The following MYO15A variants were observed in gnomAD, a reference collection of about 807,000 sequenced individuals.
The protein encoded by MYO15A is unconventional myosin-XV.
In MYO15A, 308 loss-of-function variants were observed where a neutral mutation model predicts 394.6. That is an observed-to-expected ratio of 0.78 (90% CI 0.71 to 0.86). MYO15A has a LOEUF of 0.86. MYO15A is among the 40% of genes least tolerant of loss of function. The pLI, the probability that MYO15A is intolerant of heterozygous loss-of-function variation, is 0.00. For missense variants in MYO15A, 4,606 were observed against 4,799.1 expected (o/e 0.96, Z 1.19); for synonymous variants, 1,957 against 2,003.8 (o/e 0.98, Z 0.62).
rs1423611948 is a variant in MYO15A at position 18,125,216 on chromosome 17, A to C, written c.3741A>C (p.Glu1247Asp). 1.9e-6 allele frequency: 3 copies of C among 1,614,100 alleles called. No individual in the cohort carries two copies. The South Asian group carries it at 3.3e-5, about 18-fold the overall frequency. ...TGTCCAACCTCAAGATTAGATTTGA[A>C]CGGAACCTCATCTACGTAAGGCCTG... The part of the protein sequence containing the change: ...TVLSNLKIRF[E>D]RNLIYTYIGS... The change falls in exon 4 of 66, where the codon GAA becomes GAC. Residue 1247 changes from glutamate to aspartate, a missense_variant. This residue lies in a region of MYO15A where 2,776 missense variants were observed against 3,109.3 expected (regional missense o/e 0.89). Transcript: ENST00000647165.
Position 18,117,078 on chromosome 17 carries a change from T to C in MYO15A, c.-219-1504T>C, listed in dbSNP as rs1249905232. Among the ~76,000 whole-genome samples the C allele has an allele frequency of 6.6e-6, 1 of 152,036 alleles. No homozygotes were observed. Among genetic ancestry groups the C allele is most frequent in the African/African-American group, 2.4e-5 (1 of 41,382 alleles). ...TTCCTGCACGTATCCCCTAACTCGC[T>C]CCAAAAGCCCTCCATCCAATTTCTC... On this transcript the variant is annotated intron_variant, in intron 1 of 65. Transcript: ENST00000647165. This position sits in a 1 kb window ranked among gnomAD's most constrained non-coding sequence, Gnocchi z 4.1.
rs560945157 is a variant in MYO15A at position 18,154,646 on chromosome 17, C to T, written c.8149-34C>T. ...GCCTGGGTCCCAGCTGGGGGAGTCC[C>T]ATGTGCTGCCTGCATCACAGCCTGT... On this transcript the variant is annotated intron_variant, in intron 44 of 65. Transcript: ENST00000647165. The T allele has an allele frequency of 4.4e-6, 7 of 1,608,670 alleles. No individual in the cohort carries two copies. In the African/African-American group the frequency reaches 9.3e-5, roughly 21 times the overall value.
At position 18,121,264 on chromosome 17, in the gene MYO15A, G is replaced by C. The variant is rs1159028538; in HGVS notation, c.2464G>C (p.Glu822Gln). 2 of 1,451,500 alleles carry C rather than the reference G, an allele frequency of 1.4e-6. No homozygotes were observed. The highest frequency in any genetic ancestry group is 1.8e-6 in the Non-Finnish European group (2 of 1,106,326). 89.9% of individuals were successfully genotyped at this position (1,451,500 alleles called of 1,614,324 possible). A position where few individuals can be genotyped will look rare whatever the true frequency, so the allele number is the denominator to read the frequency against. ...PPARRPRSLQ[E>Q]SPAPRRAAGR... is the part of the protein sequence containing the mutation. ...GGCCCGCCGGCCCCGCTCGCTGCAGGAGTCCCCAGCCCCACGCCGAGCCGC... is the reference window on the plus strand; with the variant it reads ...GGCCCGCCGGCCCCGCTCGCTGCAGCAGTCCCCAGCCCCACGCCGAGCCGC... The change falls in exon 2 of 66, where the codon GAG becomes CAG. Residue 822 changes from glutamate to glutamine, a missense_variant. By Grantham distance (29) the Glu-to-Gln change is conservative (BLOSUM62 2). This residue lies in a region of MYO15A where 1,830 missense variants were observed against 1,689.7 expected (regional missense o/e 1.08). Coordinates refer to ENST00000647165, the MANE Select transcript of MYO15A (RefSeq NM_016239.4). The surrounding 1 kb of genome is among the most constrained non-coding windows in gnomAD (Gnocchi z 5.3).
chr17:18,156,699 C>T (rs1365957544), intron 48 of MYO15A, among the ~76,000 whole-genome samples: 1 of 152,244 alleles, frequency 6.6e-6, no homozygotes, highest in Non-Finnish European at 1.5e-5. Flanking sequence ...GCCCCAGGCC[C>T]GAGGAAGACT....
chr17:18,157,536 T>C, intron 50 of MYO15A, 186 bp from the exon 51 acceptor site: 2 of 1,247,952 alleles, frequency 1.6e-6, no homozygotes, highest in Non-Finnish European at 2.2e-6. Context: ...TATGGTCCTG[T>C]GGCCCTGAGA....
chr17:18,163,404 A>ACTCC, intron 59 of MYO15A, 83 bp downstream of exon 59: 2 of 1,386,194 alleles, frequency 1.4e-6, no homozygotes, highest in Non-Finnish European at 2.0e-6. Context: ...GGGGTGGAGT[A>ACTCC]AGCCCCCAAT....
At chr17:18,143,458 C>T (rs1055557629) in intron 25 of MYO15A, 108 bp from the exon 26 acceptor site, 7 of 1,271,568 alleles carry the variant, frequency 5.5e-6, no homozygotes, top group East Asian at 2.5e-5. Context: ...AGGCAAGCTG[C>T]CCCCCTTGCT....
chr17:18,165,963 G>A (rs2046848097), intron 60 of MYO15A, among the ~76,000 whole-genome samples: 1 of 152,202 alleles, frequency 6.6e-6, no homozygotes, highest in African/African-American at 2.4e-5. Flanking sequence ...CATAGTGTGA[G>A]GCCTCTTGTG....
At position 18,161,416 on chromosome 17, in the gene MYO15A, C is replaced by T. The variant is rs8077577; in HGVS notation, c.9486C>T (p.Asp3162=). The T allele has an allele frequency of 0.18, 298,134 of 1,613,840 alleles. 29,024 individuals are homozygous for T. The highest frequency in any genetic ancestry group is 0.3 in the Middle Eastern group (1,833 of 6,060). The change falls in exon 57 of 66, where the codon GAC becomes GAT. Residue 3162 remains aspartate (D), a synonymous_variant. Coordinates refer to ENST00000647165, the MANE Select transcript of MYO15A (RefSeq NM_016239.4). ...LHPHLTRFLQ[D]VSRTPGLPFQ... is the part of the protein sequence containing the mutation. ...CACACCTCACTCGCTTCCTCCAAGA[C>T]GTGAGCCGGACCCCAGGCCTGCCCT...
At chr17:18,149,784 C>T in intron 35 of MYO15A, 1 of 639,262 alleles carries the variant, frequency 1.6e-6, no homozygotes, top group South Asian at 1.7e-5. Context: ...CTGGAAGGAC[C>T]CACAGTTAGA....
At position 18,136,636 on chromosome 17, in the gene MYO15A, C is replaced by T. The variant is rs1597785806; in HGVS notation, c.4729C>T (p.Pro1577Ser). The change falls in exon 15 of 66, where the codon CCA (proline) becomes TCA (serine). Residue 1577 changes from proline (P) to serine (S), a missense_variant. Physicochemically the swap from Pro to Ser is moderately conservative, Grantham distance 74. Coordinates refer to ENST00000647165, the MANE Select transcript of MYO15A (RefSeq NM_016239.4). ...CACCAGGGTCAACGCGCTGGTGTCC[C>T]CAAGGCAGGACACACTGTCCATCGC... ...LITRVNALVS[P>S]RQDTLSIAIL... is the part of the protein sequence containing the mutation. 2.5e-6 allele frequency: 4 copies of T among 1,613,292 alleles called. No individual in the cohort carries two copies. Among genetic ancestry groups the T allele is most frequent in the Non-Finnish European group, 3.4e-6 (4 of 1,179,950 alleles).
At position 18,167,777 on chromosome 17, in the gene MYO15A, C is replaced by G. The variant is rs1047653861; in HGVS notation, c.10082+54C>G. 22 of 1,597,558 alleles carry G rather than the reference C, an allele frequency of 1.4e-5. No individual in the cohort carries two copies. In the African/African-American group the frequency reaches 2.8e-4, roughly 20 times the overall value. ...GGGTGGACAGGCAACCCTGCCCTCT[C>G]AGCCCACCTCCACCCTCCTCAGAGC... is the stretch of plus-strand genomic sequence containing the variant. On this transcript the variant is annotated intron_variant, in intron 62 of 65. Coordinates refer to ENST00000647165, the MANE Select transcript of MYO15A (RefSeq NM_016239.4).
chr17:18,113,835 C>A (rs191600709), intron 1 of MYO15A, among the ~76,000 whole-genome samples: 13 of 133,842 alleles, frequency 9.7e-5, no homozygotes, highest in African/African-American at 2.1e-4. Context: ...CACACACACA[C>A]ACACACTCTT....
intron 65 of MYO15A, chr17:18,178,485 CAG>C: frequency 1.8e-6 from 1 of 557,830 alleles, no homozygotes; most frequent in Non-Finnish European, 3.3e-6. Flanking sequence ...CACTGAGGCT[CAG>C]AGAGGTGAAG....
Position 18,148,098 on chromosome 17 carries a change from C to T in MYO15A, c.6579C>T (p.Gly2193=). 1 of 1,613,952 alleles carries T rather than the reference C, an allele frequency of 6.2e-7. No homozygotes were observed. The highest frequency in any genetic ancestry group is 8.5e-7 in the Non-Finnish European group (1 of 1,180,048). The change falls in exon 31 of 66, where the codon GGC becomes GGT. Residue 2193 remains glycine (G), a synonymous_variant. Transcript: ENST00000647165. This position sits in a 1 kb window ranked among gnomAD's most constrained non-coding sequence, Gnocchi z 4.8. ...AGCACCGCCTCATGCAGGCCATGGG[C>T]CGGGCCCAACAGCAGGGCTCGGGGG... is the stretch of plus-strand genomic sequence containing the variant. ...VCQHRLMQAM[G]RAQQQGSGAA...
Position 18,142,129 on chromosome 17 carries a change from T to C in MYO15A, c.5700T>C (p.His1900=), listed in dbSNP as rs752045512. Reference sequence around the variant, plus strand: ...AGCTGCTGGAGAGTATGCGAGAGCATGTCCTGAATCTGGCAGCCCTCACTC... The same window carrying C: ...AGCTGCTGGAGAGTATGCGAGAGCACGTCCTGAATCTGGCAGCCCTCACTC... ...LYQLLESMRE[H]VLNLAALTLQ... is the part of the protein sequence containing the mutation. The change falls in exon 24 of 66, where the codon CAT becomes CAC. Residue 1900 remains histidine (H), a synonymous_variant. Coordinates refer to ENST00000647165, the MANE Select transcript of MYO15A (RefSeq NM_016239.4). The C allele has an allele frequency of 6.2e-7, 1 of 1,613,894 alleles. No individual in the cohort carries two copies. Among genetic ancestry groups the C allele is most frequent in the Non-Finnish European group, 8.5e-7 (1 of 1,180,018 alleles).
chr17:18,121,386 G>GA lies in MYO15A; in HGVS notation c.2588dup (p.Asn863LysfsTer117). 1 of 1,529,734 alleles carries GA rather than the reference G, an allele frequency of 6.5e-7. No individual in the cohort carries two copies. Among genetic ancestry groups the GA allele is most frequent in the Non-Finnish European group, 8.8e-7 (1 of 1,142,562 alleles). The allele number at this position is 1,529,734 out of a possible 1,614,324, so 94.8% of individuals were successfully genotyped here. On this transcript the variant is annotated frameshift_variant, in exon 2 of 66. Transcript: ENST00000647165. LOFTEE classifies it high-confidence loss of function. This position sits in a 1 kb window ranked among gnomAD's most constrained non-coding sequence, Gnocchi z 5.3. ...GCCACAGCCCGCGGCGCAGCTCCCT[G>GA]AATCTGCCCTCGCGCCTCCCGCACA...
intron 62 of MYO15A, 144 bp downstream of exon 62, chr17:18,167,867 C>A: frequency 7.4e-7 from 1 of 1,350,448 alleles, no homozygotes; most frequent in Non-Finnish European, 1.0e-6. Context: ...AGGGGCTGTC[C>A]TTGCCTGGGG....
chr17:18,179,064 C>T lies in MYO15A; in HGVS notation c.*194C>T, dbSNP rs1480136710. 1 of 642,918 alleles carries T rather than the reference C, an allele frequency of 1.6e-6. No individual in the cohort carries two copies. Among genetic ancestry groups the T allele is most frequent in the Non-Finnish European group, 2.8e-6 (1 of 361,962 alleles). The allele number at this position is 642,918 out of a possible 1,614,324, so 39.8% of individuals were successfully genotyped here. A position where few individuals can be genotyped will look rare whatever the true frequency, so the allele number is the denominator to read the frequency against. ...ATCCTGAACTGGGATGGAATGGCAG[C>T]ATGCAAACTTGGATCAGATAGCAGG... is the stretch of plus-strand genomic sequence containing the variant. On this transcript the variant is annotated 3_prime_UTR_variant, in exon 66 of 66. Transcript: ENST00000647165.
Sources: gnomAD v4.1 joint callset for allele counts (sites outside exome capture counted in the v4.1 genomes callset) on GRCh38, gnomAD v4.1.1 for gene constraint, gnomAD v4.1.1 regional missense constraint, Gnocchi (gnomAD v3.1) non-coding constraint, MANE v1.5 for transcripts, NCBI Gene and HGNC (gene_info 2026-07-23, HGNC 2026-07-21) for gene names.